Variants in ARHGAP25 observed in about 807,000 individuals in gnomAD.
The protein encoded by ARHGAP25 is rho GTPase-activating protein 25.
A neutral mutation model predicts 71.0 loss-of-function variants in ARHGAP25; 34 were observed. The observed-to-expected ratio is 0.48, with a 90% CI of 0.36 to 0.64. The LOEUF (loss-of-function observed/expected upper bound fraction) is 0.64. ARHGAP25 is among the 30% of genes least tolerant of loss of function. The pLI, the probability that ARHGAP25 is intolerant of heterozygous loss-of-function variation, is 0.00. For missense variants in ARHGAP25, 706 were observed against 805.1 expected (o/e 0.88, Z 1.49); for synonymous variants, 282 against 296.5 (o/e 0.95, Z 0.50).
intron 1 of ARHGAP25, among the ~76,000 whole-genome samples, chr2:68,774,143 T>G (rs542927177): frequency 1.3e-5 from 2 of 152,240 alleles, no homozygotes; most frequent in Admixed American, 1.3e-4. Context: ...CCAGCAACAC[T>G]TGGCAGAAGG....
chr2:68,751,645 C>T (rs78878468), intron 1 of ARHGAP25, among the ~76,000 whole-genome samples: 2,140 of 152,292 alleles, frequency 0.014, 16 homozygotes, highest in Non-Finnish European at 0.023. Flanking sequence ...AGCCCAAAAC[C>T]CTCTAGAAAT....
At chr2:68,813,256 G>C in intron 5 of ARHGAP25, 31 bp from the exon 6 acceptor site, 1 of 1,591,288 alleles carries the variant, frequency 6.3e-7, no homozygotes, top group Non-Finnish European at 8.5e-7. Flanking sequence ...CTTTCAAAGA[G>C]TTTCACAGAG....
At chr2:68,783,572 C>T (rs1678507457) in intron 3 of ARHGAP25, among the ~76,000 whole-genome samples, 1 of 151,848 alleles carries the variant, frequency 6.6e-6, no homozygotes, top group Admixed American at 6.6e-5. Flanking sequence ...AAGCAATTCT[C>T]CTTGCCTCAG....
chr2:68,802,828 G>T (rs1680094250), intron 4 of ARHGAP25, among the ~76,000 whole-genome samples: 1 of 151,696 alleles, frequency 6.6e-6, no homozygotes, highest in Non-Finnish European at 1.5e-5. Context: ...AGCAAATGTT[G>T]GTCATTTGCA....
chr2:68,797,550 G>C (rs7597609), intron 4 of ARHGAP25, among the ~76,000 whole-genome samples: 2 of 152,148 alleles, frequency 1.3e-5, no homozygotes, highest in African/African-American at 4.8e-5. Flanking sequence ...TGGTGTGCCT[G>C]GTTGCAATGC....
chr2:68,802,872 A>G (rs367736893), intron 4 of ARHGAP25, among the ~76,000 whole-genome samples: 1 of 152,192 alleles, frequency 6.6e-6, no homozygotes, highest in African/African-American at 2.4e-5. Flanking sequence ...TCTTTCATAA[A>G]TTATATCTAT....
intron 2 of ARHGAP25, among the ~76,000 whole-genome samples, chr2:68,781,533 T>C (rs1221051779): frequency 6.6e-6 from 1 of 152,188 alleles, no homozygotes. Flanking sequence ...CTCAGACCCC[T>C]TCATAGATCT....
At chr2:68,756,102 G>A (rs897598544) in intron 1 of ARHGAP25, among the ~76,000 whole-genome samples, 13 of 152,090 alleles carry the variant, frequency 8.5e-5, no homozygotes, top group Non-Finnish European at 4.4e-5. Flanking sequence ...ATCAAAATTG[G>A]CAACTTCCAG....
chr2:68,790,483 C>A (rs1358609631), intron 4 of ARHGAP25, among the ~76,000 whole-genome samples: 2 of 152,194 alleles, frequency 1.3e-5, no homozygotes, highest in Non-Finnish European at 2.9e-5. Context: ...GGCCAGGGCT[C>A]TTTTGCCACA....
At position 68,782,277 on chromosome 2, in the gene ARHGAP25, A is replaced by G. The variant is rs145631027; in HGVS notation, c.306A>G (p.Thr102=). ...GATGTACAATCAAGGAGATCGCCAC[A>G]AACCCAGAAGAAGCTGGGAAGTTTG... The part of the protein sequence containing the change: ...LPGCTIKEIA[T]NPEEAGKFVF... Residue 102 remains threonine (T), a synonymous_variant, in exon 3 of 11, where the codon ACA becomes ACG. Transcript: ENST00000409202. 2.8e-5 allele frequency: 46 copies of G among 1,614,058 alleles called. No individual in the cohort carries two copies. The highest frequency in any genetic ancestry group is 3.7e-5 in the Non-Finnish European group (44 of 1,180,026).
intron 4 of ARHGAP25, among the ~76,000 whole-genome samples, chr2:68,805,058 A>G (rs538224541): frequency 2.6e-5 from 4 of 152,310 alleles, no homozygotes; most frequent in African/African-American, 9.6e-5. Flanking sequence ...TCAGGAAGGC[A>G]TGGCAGATAT....
intron 4 of ARHGAP25, among the ~76,000 whole-genome samples, chr2:68,802,941 A>G (rs1045444075): frequency 2.0e-5 from 3 of 150,972 alleles, no homozygotes; most frequent in Non-Finnish European, 4.4e-5. Flanking sequence ...ATATACACAT[A>G]TGTGTGTGTA....
At chr2:68,752,628 C>G (rs542881621) in intron 1 of ARHGAP25, among the ~76,000 whole-genome samples, 8 of 152,272 alleles carry the variant, frequency 5.3e-5, no homozygotes, top group African/African-American at 1.7e-4. Context: ...GTGTCTATTT[C>G]ATTTCTCCTC....
chr2:68,746,632 C>T (rs961219894), intron 1 of ARHGAP25, among the ~76,000 whole-genome samples: 2 of 152,014 alleles, frequency 1.3e-5, no homozygotes, highest in African/African-American at 4.8e-5. Context: ...TGTGTAAGGC[C>T]CCTGACTGTG....
rs1254399856 is a variant in ARHGAP25 at position 68,826,449 on chromosome 2, G to A, written c.*255G>A. ...TTTATTCCATTCTGGTCTCAGGCAT[G>A]ACCACGTCCAGTGAAGACATTTGAG... On this transcript the variant is annotated 3_prime_UTR_variant, in exon 11 of 11. Coordinates refer to ENST00000409202, the MANE Select transcript of ARHGAP25 (RefSeq NM_001007231.3). 4 of 571,312 alleles carry A rather than the reference G, an allele frequency of 7.0e-6. No homozygotes were observed. The highest frequency in any genetic ancestry group is 2.4e-5 in the Admixed American group (1 of 41,114). 35.4% of individuals were successfully genotyped at this position (571,312 alleles called of 1,614,324 possible).
intron 4 of ARHGAP25, among the ~76,000 whole-genome samples, chr2:68,804,188 A>G (rs565987173): frequency 7.4e-4 from 113 of 152,314 alleles, no homozygotes; most frequent in African/African-American, 2.5e-3. Flanking sequence ...CTTGGCCCCA[A>G]ATCATCTGCA....
At chr2:68,773,742 T>A (rs1677642974) in intron 1 of ARHGAP25, among the ~76,000 whole-genome samples, 1 of 152,196 alleles carries the variant, frequency 6.6e-6, no homozygotes, top group Non-Finnish European at 1.5e-5. Flanking sequence ...AATGACATTT[T>A]GAAGTGAAGA....
At chr2:68,820,869 A>G (rs74846851) in intron 9 of ARHGAP25, among the ~76,000 whole-genome samples, 2,485 of 151,904 alleles carry the variant, frequency 0.016, 69 homozygotes, top group African/African-American at 0.057. Flanking sequence ...CTCTCTCTCT[A>G]CAGTCACACA....
intron 1 of ARHGAP25, among the ~76,000 whole-genome samples, chr2:68,772,533 C>A (rs940025612): frequency 6.6e-6 from 1 of 152,222 alleles, no homozygotes. Flanking sequence ...CCTCACTCTT[C>A]GATTTTCTCC....
Sources: allele counts gnomAD v4.1 joint callset (sites outside exome capture counted in the v4.1 genomes callset), GRCh38; gene constraint gnomAD v4.1.1; transcripts MANE v1.5; gene names NCBI Gene and HGNC (gene_info 2026-07-23, HGNC 2026-07-21).